ADAM22: variants seen among roughly 807,000 people sequenced by gnomAD.
ADAM22 encodes the protein ADAM metallopeptidase domain 22.
ADAM22 carries 65 observed loss-of-function variants against 144.6 expected under a neutral mutation model. The observed-to-expected ratio is 0.45, with a 90% CI of 0.37 to 0.55. The LOEUF is 0.55. Ranked by LOEUF, ADAM22 falls within the 20% of genes least tolerant of loss-of-function variation. The pLI is 0.00. For missense variants in ADAM22, 974 were observed against 1,184.9 expected (o/e 0.82, Z 2.61); for synonymous variants, 391 against 412.6 (o/e 0.95, Z 0.63).
chr7:88,151,740 G>T (rs190120306), intron 20 of ADAM22, among the ~76,000 whole-genome samples: 1 of 152,226 alleles, frequency 6.6e-6, no homozygotes, highest in African/African-American at 2.4e-5. Context: ...TTTATCTAGA[G>T]TCATTTTTTT....
At chr7:88,067,614 A>AT (rs1401514684) in intron 3 of ADAM22, among the ~76,000 whole-genome samples, 4 of 152,132 alleles carry the variant, frequency 2.6e-5, no homozygotes, top group African/African-American at 4.8e-5. Context: ...GTGTCTAGGC[A>AT]TTTTTTTAAA....
At chr7:88,117,559 C>T (rs192738648) in intron 7 of ADAM22, among the ~76,000 whole-genome samples, 11 of 152,232 alleles carry the variant, frequency 7.2e-5, no homozygotes, top group Non-Finnish European at 1.2e-4. Context: ...GGTGAGTTAG[C>T]GTTTGTCTTT....
Position 88,156,032 on chromosome 7 carries a change from A to G in ADAM22, c.1907+26A>G, listed in dbSNP as rs755278144. On this transcript the variant is annotated intron_variant, in intron 22 of 31. Coordinates refer to ENST00000413139, the MANE Select transcript of ADAM22 (RefSeq NM_001324418.2). ...GTAATTATCTAACCATTCTGTAAGA[A>G]TCTGAGTCATCTTATTTCTCAGGAA... is the stretch of plus-strand genomic sequence containing the variant. 2.4e-5 allele frequency: 38 copies of G among 1,609,426 alleles called. No individual in the cohort carries two copies. The Admixed American group carries it at 5.1e-4, about 21-fold the overall frequency.
At chr7:88,123,264 A>G (rs959421061) in intron 7 of ADAM22, among the ~76,000 whole-genome samples, 1 of 152,014 alleles carries the variant, frequency 6.6e-6, no homozygotes, top group Non-Finnish European at 1.5e-5. Context: ...TACTGGTCTT[A>G]TAAGATGTGT....
chr7:88,194,580 T>C (rs1028464263), intron 31 of ADAM22, among the ~76,000 whole-genome samples: 1 of 152,126 alleles, frequency 6.6e-6, no homozygotes, highest in African/African-American at 2.4e-5. Context: ...GTGCTGAAAG[T>C]GATGTTTGGC....
intron 3 of ADAM22, among the ~76,000 whole-genome samples, chr7:88,057,575 T>A (rs1808627091): frequency 6.6e-6 from 1 of 152,262 alleles, no homozygotes; most frequent in African/African-American, 2.4e-5. Flanking sequence ...ACTATTTAGT[T>A]CTGTTATAAT....
At chr7:88,190,368 C>T (rs1290572206) in intron 30 of ADAM22, among the ~76,000 whole-genome samples, 1 of 151,888 alleles carries the variant, frequency 6.6e-6, no homozygotes, top group Non-Finnish European at 1.5e-5. Context: ...GACCCTGTCT[C>T]TCCTGAAAAT....
intron 3 of ADAM22, among the ~76,000 whole-genome samples, chr7:88,064,196 G>A (rs182883709): frequency 3.3e-5 from 5 of 152,216 alleles, no homozygotes; most frequent in South Asian, 4.1e-4. Flanking sequence ...TTATAGTTAC[G>A]TAGAAAAGTT....
Position 88,201,786 on chromosome 7 carries a change from T to C in ADAM22, c.*5295T>C, listed in dbSNP as rs540707871. 2.0e-5 allele frequency: 3 copies of C among 152,330 alleles called. No homozygotes were observed. In the South Asian group the frequency reaches 6.2e-4, roughly 32 times the overall value. The allele number at this position is 152,330 out of a possible 1,614,324, so 9.4% of individuals were successfully genotyped here. ...ACAAAAAGGCATACAATGAGACGAA[T>C]TCTTAAGATAATGCACATACAGAAT... On this transcript the variant is annotated 3_prime_UTR_variant, in exon 32 of 32. Transcript: ENST00000413139.
intron 23 of ADAM22, among the ~76,000 whole-genome samples, chr7:88,164,798 A>G (rs577632927): frequency 4.4e-4 from 67 of 152,238 alleles, no homozygotes; most frequent in African/African-American, 1.6e-3. Context: ...ACTGGGCATC[A>G]TTGTCTGTTC....
At chr7:87,971,317 C>G (rs1245089739) in intron 2 of ADAM22, among the ~76,000 whole-genome samples, 3 of 152,038 alleles carry the variant, frequency 2.0e-5, no homozygotes, top group African/African-American at 4.8e-5. Context: ...CTGCAAGTAC[C>G]TCCAAGCTGT....
At chr7:87,956,900 G>T (rs1276874044) in intron 2 of ADAM22, among the ~76,000 whole-genome samples, 1 of 152,014 alleles carries the variant, frequency 6.6e-6, no homozygotes, top group African/African-American at 2.4e-5. Context: ...ATTTTTGTGT[G>T]GACATGTGGA....
At chr7:87,949,834 T>G (rs1371835002) in intron 2 of ADAM22, among the ~76,000 whole-genome samples, 1 of 149,906 alleles carries the variant, frequency 6.7e-6, no homozygotes, top group East Asian at 1.9e-4. Context: ...TATGTTAATA[T>G]AAATTTATAT....
At chr7:88,180,268 C>A (rs1846673471) in intron 27 of ADAM22, among the ~76,000 whole-genome samples, 1 of 152,020 alleles carries the variant, frequency 6.6e-6, no homozygotes, top group African/African-American at 2.4e-5. Context: ...GGCTTGTTGG[C>A]TAAGAGAAGA....
chr7:88,109,665 A>G (rs1021109906), intron 5 of ADAM22, among the ~76,000 whole-genome samples: 3 of 152,008 alleles, frequency 2.0e-5, no homozygotes, highest in Non-Finnish European at 4.4e-5. Flanking sequence ...TGAGGAGGCC[A>G]AATCTAGCCC....
At chr7:87,975,030 A>G (rs568310914) in intron 2 of ADAM22, among the ~76,000 whole-genome samples, 1 of 152,154 alleles carries the variant, frequency 6.6e-6, no homozygotes, top group Non-Finnish European at 1.5e-5. Flanking sequence ...GTCCTTAACA[A>G]TATCTGCACA....
intron 3 of ADAM22, among the ~76,000 whole-genome samples, chr7:88,022,048 T>A (rs988371593): frequency 1.2e-4 from 18 of 151,664 alleles, no homozygotes; most frequent in Admixed American, 3.9e-4. Flanking sequence ...AATTAAAAAA[T>A]TTTTTATTTT....
At chr7:88,179,173 A>G in intron 27 of ADAM22, 44 bp downstream of exon 27, 1 of 752,722 alleles carries the variant, frequency 1.3e-6, no homozygotes, top group Non-Finnish European at 2.2e-6. Flanking sequence ...AAAAAATAGT[A>G]TCCTTTGTTC....
intron 3 of ADAM22, among the ~76,000 whole-genome samples, chr7:87,982,068 TAC>T (rs1175758724): frequency 0.01 from 972 of 93,692 alleles, 8 homozygotes; most frequent in East Asian, 0.039. Flanking sequence ...TATATATATA[TAC>T]ACACACACAC....
Sources: allele counts gnomAD v4.1 joint callset (sites outside exome capture counted in the v4.1 genomes callset), GRCh38; gene constraint gnomAD v4.1.1; transcripts MANE v1.5; gene names NCBI Gene and HGNC (gene_info 2026-07-23, HGNC 2026-07-21).